Variants in FBXO11 observed in about 807,000 individuals in gnomAD.
FBXO11 encodes F-box only protein 11.
A neutral mutation model predicts 117.0 loss-of-function variants in FBXO11; 13 were observed. The observed-to-expected ratio is 0.11, with a 90% CI of 0.07 to 0.18. The LOEUF (loss-of-function observed/expected upper bound fraction) is 0.18, where lower values mean the gene tolerates loss of function less well. Ranked by LOEUF, FBXO11 falls within the 10% of genes least tolerant of loss-of-function variation. The probability of loss-of-function intolerance (pLI) is 1.00; values close to 1 mark genes in which losing one functional copy is unlikely to be tolerated. For synonymous variants in FBXO11, 490 were observed against 380.5 expected (o/e 1.29, Z -3.35); for missense variants, 767 against 1,164.4 (o/e 0.66, Z 4.97).
intron 1 of FBXO11, among the ~76,000 whole-genome samples, chr2:47,892,977 AC>A (rs1033805339): frequency 6.6e-6 from 1 of 152,060 alleles, no homozygotes; most frequent in Non-Finnish European, 1.5e-5. Flanking sequence ...ACATGGTGAA[AC>A]CCTGTCTCTA....
At chr2:47,896,418 C>A (rs972352770) in intron 1 of FBXO11, among the ~76,000 whole-genome samples, 1 of 152,026 alleles carries the variant, frequency 6.6e-6, no homozygotes, top group Non-Finnish European at 1.5e-5. Context: ...TAGCCTTGAC[C>A]TCCCTGGCTC....
Position 47,813,645 on chromosome 2 carries a change from C to T in FBXO11, c.2083+146G>A, listed in dbSNP as rs151334440. On this transcript the variant is annotated intron_variant, in intron 17 of 22. Transcript: ENST00000403359. Reference sequence around the variant, plus strand: ...ACAGGGTTTCACCATGTTGGCCAGGCTGGTCTTAAACTCCTGACCTCGGGT... The same window carrying T: ...ACAGGGTTTCACCATGTTGGCCAGGTTGGTCTTAAACTCCTGACCTCGGGT... 11,409 of 628,378 alleles carry T rather than the reference C, an allele frequency of 0.018. 1,127 individuals are homozygous for T. The East Asian group carries it at 0.25, about 14-fold the overall frequency. 38.9% of individuals were successfully genotyped at this position (628,378 alleles called of 1,614,324 possible). A position where few individuals can be genotyped will look rare whatever the true frequency, so the allele number is the denominator to read the frequency against.
chr2:47,859,253 A>C (rs1368439372), intron 1 of FBXO11, among the ~76,000 whole-genome samples: 1 of 152,104 alleles, frequency 6.6e-6, no homozygotes, highest in Non-Finnish European at 1.5e-5. Context: ...AATAAAATGT[A>C]CCCAACTAAT....
chr2:47,900,824 A>C (rs1259425659), intron 1 of FBXO11, among the ~76,000 whole-genome samples: 18 of 80,758 alleles, frequency 2.2e-4, no homozygotes, highest in Non-Finnish European at 3.2e-4. Flanking sequence ...ACGTGTATAT[A>C]TATACACGTA....
At chr2:47,887,873 G>A (rs868403251) in intron 1 of FBXO11, among the ~76,000 whole-genome samples, 1 of 151,964 alleles carries the variant, frequency 6.6e-6, no homozygotes, top group Non-Finnish European at 1.5e-5. Context: ...ACCCATTAGC[G>A]GGCTTGGAGG....
intron 1 of FBXO11, among the ~76,000 whole-genome samples, chr2:47,867,877 T>C (rs1675313490): frequency 6.6e-6 from 1 of 152,180 alleles, no homozygotes; most frequent in Admixed American, 6.5e-5. Context: ...AAAAAACCCA[T>C]TAATTCATCC....
intron 9 of FBXO11, 38 bp downstream of exon 9, chr2:47,832,731 C>G: frequency 6.2e-7 from 1 of 1,607,388 alleles, no homozygotes; most frequent in Non-Finnish European, 8.5e-7. Context: ...CATACAGTGA[C>G]TCAAAATTTT....
intron 13 of FBXO11, among the ~76,000 whole-genome samples, chr2:47,821,409 G>C (rs975331212): frequency 6.6e-6 from 1 of 152,070 alleles, no homozygotes; most frequent in Non-Finnish European, 1.5e-5. Flanking sequence ...AGGAGATCGA[G>C]ACCATCCTGG....
chr2:47,898,224 T>A (rs1235549228), intron 1 of FBXO11, among the ~76,000 whole-genome samples: 3 of 152,216 alleles, frequency 2.0e-5, no homozygotes, highest in African/African-American at 7.2e-5. Context: ...AAAATAAACA[T>A]TTTTGATATT....
intron 13 of FBXO11, among the ~76,000 whole-genome samples, chr2:47,821,862 C>T (rs115636436): frequency 7.9e-5 from 12 of 152,172 alleles, no homozygotes; most frequent in Non-Finnish European, 1.3e-4. Flanking sequence ...GAGACCAAGG[C>T]GGGAAGATCA....
intron 10 of FBXO11, 35 bp from the exon 11 acceptor site, chr2:47,832,521 G>C: frequency 6.2e-7 from 1 of 1,608,466 alleles, no homozygotes; most frequent in Non-Finnish European, 8.5e-7. Context: ...CATCAGTAGA[G>C]CTTTTAAACA....
rs1379813748 is a variant in FBXO11 at position 47,905,898 on chromosome 2, G to T, written c.-178C>A. 1.4e-6 allele frequency: 1 copy of T among 690,092 alleles called. No individual in the cohort carries two copies. Among genetic ancestry groups the T allele is most frequent in the Admixed American group, 3.1e-5 (1 of 32,180 alleles). The allele number at this position is 690,092 out of a possible 1,614,324, so 42.7% of individuals were successfully genotyped here. ...GAGCGGGACCCCGAGTCCGGAGAAAGGCCCGGGTAGACAGACGGAGACCGA... is the reference window on the plus strand; with the variant it reads ...GAGCGGGACCCCGAGTCCGGAGAAATGCCCGGGTAGACAGACGGAGACCGA... On this transcript the variant is annotated 5_prime_UTR_variant, in exon 1 of 23. Transcript: ENST00000403359.
chr2:47,903,703 T>C (rs192580084), intron 1 of FBXO11, among the ~76,000 whole-genome samples: 178 of 152,332 alleles, frequency 1.2e-3, no homozygotes, highest in African/African-American at 4.1e-3. Flanking sequence ...TTACCACATC[T>C]TGAAAAAGCT....
At chr2:47,828,893 C>A (rs984810236) in intron 11 of FBXO11, among the ~76,000 whole-genome samples, 1 of 152,136 alleles carries the variant, frequency 6.6e-6, no homozygotes, top group Admixed American at 6.6e-5. Flanking sequence ...GTGATGAAAT[C>A]TAATGGCATG....
rs1670358155 is a variant in FBXO11 at position 47,808,215 on chromosome 2, G to A, written c.2687C>T (p.Ser896Phe). Residue 896 changes from serine (S) to phenylalanine (F), a missense_variant, in exon 23 of 23, where the codon TCT becomes TTT. Physicochemically the swap from Ser to Phe is radical, Grantham distance 155 (BLOSUM62 -2). Coordinates refer to ENST00000403359, the MANE Select transcript of FBXO11 (RefSeq NM_001190274.2). ...CTCACCAGCTAATGTACAAGGATTA[G>A]ACAGTGTTCCAGCACCACAGTCACA... ...FFCDCGAGTL[S>F]NPCTLAGEPT... 1.2e-6 allele frequency: 2 copies of A among 1,613,376 alleles called. No individual in the cohort carries two copies. The highest frequency in any genetic ancestry group is 1.7e-6 in the Non-Finnish European group (2 of 1,179,834).
At chr2:47,895,664 T>C (rs1322782012) in intron 1 of FBXO11, among the ~76,000 whole-genome samples, 1 of 152,232 alleles carries the variant, frequency 6.6e-6, no homozygotes, top group East Asian at 1.9e-4. Flanking sequence ...GCAGAAATTA[T>C]TTCCACAATT....
In FBXO11 at chr2:47,883,156, AT is replaced by A. The variant is rs1676561563; in HGVS notation, c.232+22332del. 2.0e-5 allele frequency among the ~76,000 whole-genome samples: 3 copies of A among 152,216 alleles called. No homozygotes were observed. The South Asian group carries it at 6.2e-4, about 32-fold the overall frequency. ...TCTGTTCTGTAGCAACACTTCACTA[AT>A]GACTGTTCTTTGTGTTTGGGAAGTT... On this transcript the variant is annotated intron_variant, in intron 1 of 22. Coordinates refer to ENST00000403359, the MANE Select transcript of FBXO11 (RefSeq NM_001190274.2).
chr2:47,860,843 AT>A (rs34675496), intron 1 of FBXO11, among the ~76,000 whole-genome samples: 42,073 of 104,150 alleles, frequency 0.4, 7,393 homozygotes, highest in African/African-American at 0.59. Flanking sequence ...GTTTTCCCCT[AT>A]TTTTTTTTTT....
At chr2:47,870,659 T>C (rs1295669075) in intron 1 of FBXO11, among the ~76,000 whole-genome samples, 2 of 152,226 alleles carry the variant, frequency 1.3e-5, no homozygotes, top group Admixed American at 1.3e-4. Flanking sequence ...ATGGTGCTGC[T>C]GCTACTTTGA....
Sources: allele counts gnomAD v4.1 joint callset (sites outside exome capture counted in the v4.1 genomes callset), GRCh38; gene constraint gnomAD v4.1.1; transcripts MANE v1.5; gene names NCBI Gene and HGNC (gene_info 2026-07-23, HGNC 2026-07-21).